Variants in UPRT observed in about 807,000 individuals in gnomAD.
UPRT encodes the protein RP11-311P8.3.
In UPRT, 5 loss-of-function variants were observed where a neutral mutation model predicts 22.6. That is an observed-to-expected ratio of 0.22 (90% CI 0.12 to 0.47). The LOEUF is 0.47. Ranked by LOEUF, UPRT falls within the 20% of genes least tolerant of loss-of-function variation. The probability of loss-of-function intolerance (pLI) is 0.99; values close to 1 mark genes in which losing one functional copy is unlikely to be tolerated. For missense variants in UPRT, 181 were observed against 239.9 expected, an observed-to-expected ratio of 0.75 and a Z score of 1.62; for synonymous variants, 77 against 87.7, an observed-to-expected ratio of 0.88 and a Z score of 0.68.
chrX:75,236,205 C>T (rs1250115102), intron 4 of UPRT, among the ~76,000 whole-genome samples: 1 of 111,169 alleles, frequency 9.0e-6, no homozygotes, highest in Non-Finnish European at 1.9e-5. Flanking sequence ...ACAATTGCTT[C>T]AAAGAGAATA....
intron 4 of UPRT, among the ~76,000 whole-genome samples, chrX:75,235,748 C>T (rs770929395): frequency 3.6e-4 from 40 of 111,802 alleles, no homozygotes; most frequent in African/African-American, 9.7e-4. Context: ...AATTCAACAA[C>T]GCTTCATCCT....
At chrX:75,225,911 G>A (rs975473959) in intron 4 of UPRT, among the ~76,000 whole-genome samples, 4 of 111,002 alleles carry the variant, frequency 3.6e-5, no homozygotes, top group Non-Finnish European at 1.9e-5. Context: ...TACTGTATGC[G>A]GCTTCCTAGT....
At chrX:75,294,071 A>C (rs1331622254) in intron 2 of UPRT, among the ~76,000 whole-genome samples, 1 of 110,359 alleles carries the variant, frequency 9.1e-6, no homozygotes, top group Non-Finnish European at 1.9e-5. Context: ...AGAGGATCTC[A>C]GTCCAAATTG....
Position 75,300,913 on chromosome X carries a change from T to C in UPRT, c.771T>C (p.His257=), listed in dbSNP as rs138018564. Residue 257 remains histidine, a synonymous_variant, in exon 6 of 7, where the codon CAT becomes CAC. Coordinates refer to ENST00000373383, the MANE Select transcript of UPRT (RefSeq NM_145052.4). ...AAGCTGTAAAGGTTCTTATAGAACA[T>C]GGAGTTCAACCCAGTGTTATCATCC... ...VIEAVKVLIE[H]GVQPSVIILL... The C allele has an allele frequency of 4.2e-5, 51 of 1,208,567 alleles. No homozygotes were observed. Among genetic ancestry groups the C allele is most frequent in the Non-Finnish European group, 4.8e-5 (43 of 894,538 alleles).
chrX:75,218,716 T>C (rs1161038301), intron 4 of UPRT, among the ~76,000 whole-genome samples: 34 of 99,550 alleles, frequency 3.4e-4, no homozygotes, highest in African/African-American at 1.3e-3. Flanking sequence ...CCATAAAAAA[T>C]GATGAGTTCA....
chrX:75,242,668 G>T (rs1190399469), intron 4 of UPRT, among the ~76,000 whole-genome samples: 1 of 110,639 alleles, frequency 9.0e-6, no homozygotes, highest in Non-Finnish European at 1.9e-5. Context: ...GATAACAATA[G>T]GTCCTACCTC....
At chrX:75,295,380 C>T (rs2082722501) in intron 2 of UPRT, among the ~76,000 whole-genome samples, 1 of 110,334 alleles carries the variant, frequency 9.1e-6, no homozygotes, top group Non-Finnish European at 1.9e-5. Context: ...GAAAATAATC[C>T]TCTTTTACCC....
intron 4 of UPRT, among the ~76,000 whole-genome samples, chrX:75,235,884 C>T (rs1159945030): frequency 2.7e-5 from 3 of 111,398 alleles, no homozygotes; most frequent in African/African-American, 9.8e-5. Context: ...TTGAAAACTG[C>T]CACAAGACAG....
chrX:75,301,390 A>C (rs1010078540), intron 6 of UPRT, among the ~76,000 whole-genome samples: 4 of 112,042 alleles, frequency 3.6e-5, no homozygotes, highest in Non-Finnish European at 5.6e-5. Flanking sequence ...ACTTCTGCTC[A>C]AAGGGCAGAG....
chrX:75,238,577 G>A (rs984753289), intron 4 of UPRT, among the ~76,000 whole-genome samples: 6 of 111,575 alleles, frequency 5.4e-5, no homozygotes, highest in Non-Finnish European at 1.9e-5. Context: ...AAGACAGAAA[G>A]TCAACAGAGA....
At chrX:75,283,431 T>A (rs1207405631) in intron 1 of UPRT, among the ~76,000 whole-genome samples, 2 of 111,637 alleles carry the variant, frequency 1.8e-5, no homozygotes, top group Admixed American at 1.9e-4. Context: ...TTTTGATGTG[T>A]TTCCAGGATT....
chrX:75,210,118 T>G (rs2082376532), intron 4 of UPRT, among the ~76,000 whole-genome samples: 1 of 111,637 alleles, frequency 9.0e-6, no homozygotes, highest in African/African-American at 3.3e-5. Flanking sequence ...GGGGCAGCTT[T>G]ATTTATGACA....
At chrX:75,223,403 C>T (rs1028383090) in intron 4 of UPRT, among the ~76,000 whole-genome samples, 14 of 111,149 alleles carry the variant, frequency 1.3e-4, no homozygotes, top group Non-Finnish European at 1.3e-4. Flanking sequence ...AGCTCAGCAT[C>T]GCACTAGAAC....
intron 4 of UPRT, among the ~76,000 whole-genome samples, chrX:75,176,462 A>C (rs1361283587): frequency 9.0e-6 from 1 of 111,652 alleles, no homozygotes; most frequent in East Asian, 2.8e-4. Flanking sequence ...TAGGACATCT[A>C]TGTACCTATC....
chrX:75,189,429 G>T (rs952306866), intron 4 of UPRT, among the ~76,000 whole-genome samples: 13 of 111,957 alleles, frequency 1.2e-4, no homozygotes, highest in African/African-American at 4.2e-4. Context: ...GAATAATCAC[G>T]TTGTGGTGCT....
At chrX:75,175,179 C>T (rs2082242922) in intron 4 of UPRT, among the ~76,000 whole-genome samples, 1 of 111,072 alleles carries the variant, frequency 9.0e-6, no homozygotes, top group African/African-American at 3.3e-5. Flanking sequence ...TTTTTTTGCC[C>T]TTTCAAATTG....
At chrX:75,267,788 A>G in intron 4 of UPRT, among the ~76,000 whole-genome samples, 1 of 111,861 alleles carries the variant, frequency 8.9e-6, no homozygotes, top group East Asian at 2.8e-4. Context: ...TATAGCACTA[A>G]ATGCCCACAA....
intron 1 of UPRT, 83 bp from the exon 2 acceptor site, chrX:75,293,389 A>T: frequency 1.1e-6 from 1 of 911,429 alleles, no homozygotes; most frequent in Non-Finnish European, 1.5e-6. Context: ...TATAGGTCTT[A>T]ATATCAGTGT....
At chrX:75,292,252 G>A (rs1318359578) in intron 1 of UPRT, among the ~76,000 whole-genome samples, 1 of 111,692 alleles carries the variant, frequency 9.0e-6, no homozygotes, top group Non-Finnish European at 1.9e-5. Flanking sequence ...AAAGGTGCTG[G>A]TGTAATTGTA....
Sources: allele counts gnomAD v4.1 joint callset (sites outside exome capture counted in the v4.1 genomes callset), GRCh38; gene constraint gnomAD v4.1.1; transcripts MANE v1.5; gene names NCBI Gene and HGNC (gene_info 2026-07-23, HGNC 2026-07-21).